EPM2A: variants seen among roughly 807,000 people sequenced by gnomAD.
The protein encoded by EPM2A is laforin.
Under a neutral mutation model 26.5 loss-of-function variants are expected in EPM2A, and 21 were observed. The ratio of observed to expected loss-of-function variants is 0.79; its 90% CI spans 0.56 to 1.14. The LOEUF (loss-of-function observed/expected upper bound fraction) is 1.14. EPM2A is among the 50% of genes most tolerant of loss of function. EPM2A has a pLI of 0.00. For missense variants in EPM2A, 458 were observed against 440.8 expected (o/e 1.04, Z -0.35); for synonymous variants, 217 against 177.6 (o/e 1.22, Z -1.76).
chr6:145,571,437 G>A (rs1416644253), intron 2 of EPM2A, among the ~76,000 whole-genome samples: 1 of 152,194 alleles, frequency 6.6e-6, no homozygotes, highest in Non-Finnish European at 1.5e-5. Context: ...AATGCTGTGT[G>A]GAATACCATG....
chr6:145,520,920 G>A (rs1393512700), intron 2 of EPM2A, among the ~76,000 whole-genome samples: 6 of 152,106 alleles, frequency 3.9e-5, no homozygotes, highest in Admixed American at 3.9e-4. Flanking sequence ...GGAACAGCAA[G>A]TTCCCTAAGA....
At chr6:145,635,612 T>A (rs1198449998) in intron 2 of EPM2A, 126 bp from the exon 3 acceptor site, 1 of 899,850 alleles carries the variant, frequency 1.1e-6, no homozygotes, top group African/African-American at 1.7e-5. Flanking sequence ...AAGCTAGATA[T>A]TTTAGAATAT....
intron 4 of EPM2A, among the ~76,000 whole-genome samples, chr6:145,415,723 G>A (rs1003709232): frequency 1.3e-5 from 2 of 152,050 alleles, no homozygotes; most frequent in Non-Finnish European, 2.9e-5. Flanking sequence ...TTCTAAAAAT[G>A]TGCCTGTGAT....
At chr6:145,629,059 G>A (rs972241404) in intron 3 of EPM2A, 2 of 152,330 alleles carry the variant, frequency 1.3e-5, no homozygotes, top group Non-Finnish European at 2.9e-5. Context: ...ATGGAAGCCA[G>A]GATAATATTC....
chr6:145,497,891 C>G (rs1398113883), downstream of EPM2A, among the ~76,000 whole-genome samples: 1 of 152,248 alleles, frequency 6.6e-6, no homozygotes, highest in Non-Finnish European at 1.5e-5. Flanking sequence ...TCGCCAAAGC[C>G]GGCAGGCTGG....
chr6:145,730,026 C>T (rs1425937469), intron 1 of EPM2A, among the ~76,000 whole-genome samples: 1 of 152,110 alleles, frequency 6.6e-6, no homozygotes, highest in African/African-American at 2.4e-5. Flanking sequence ...CCCCATCTTT[C>T]TCTCTTCCTC....
rs537969535 is a variant in EPM2A at position 145,726,181 on chromosome 6, A to T, written c.301+9017T>A. ...AAATCACACACACAAAGATGGGGGG[A>T]TGTCAAAGAGACACAAAAGAGAAGT... On this transcript the variant is annotated intron_variant, in intron 1 of 3. Transcript: ENST00000367519. Among the ~76,000 whole-genome samples the T allele has an allele frequency of 5.1e-3, 783 of 152,168 alleles. 6 individuals are homozygous for T. The highest frequency in any genetic ancestry group is 0.018 in the African/African-American group (746 of 41,550).
intron 2 of EPM2A, among the ~76,000 whole-genome samples, chr6:145,658,580 G>A (rs1246703866): frequency 6.6e-6 from 1 of 152,100 alleles, no homozygotes; most frequent in African/African-American, 2.4e-5. Flanking sequence ...AATACCAGAT[G>A]AAAGTTATGT....
chr6:145,683,339 C>T (rs1780687002), intron 2 of EPM2A, among the ~76,000 whole-genome samples: 1 of 137,954 alleles, frequency 7.2e-6, no homozygotes, highest in African/African-American at 2.6e-5. Flanking sequence ...ATATTATACT[C>T]CAGGTATACA....
At chr6:145,389,981 A>G (rs2114656471) in intron 4 of EPM2A, among the ~76,000 whole-genome samples, 1 of 152,328 alleles carries the variant, frequency 6.6e-6, no homozygotes, top group Middle Eastern at 3.4e-3. Flanking sequence ...TATTTTGTGT[A>G]TAGTCAGGGA....
chr6:145,416,633 C>T (rs1049200262), intron 4 of EPM2A, among the ~76,000 whole-genome samples: 6 of 152,158 alleles, frequency 3.9e-5, no homozygotes, highest in African/African-American at 7.2e-5. Flanking sequence ...ACAGTTTGCA[C>T]ATGGCAGCTT....
At chr6:145,499,501 AT>A (rs780717625), downstream of EPM2A, among the ~76,000 whole-genome samples, 26 of 152,192 alleles carry the variant, frequency 1.7e-4, 1 homozygote, top group Non-Finnish European at 1.0e-4. Context: ...TAATTAATTA[AT>A]GTCTACCTCC....
chr6:145,563,099 G>A (rs1780830960), intron 2 of EPM2A, among the ~76,000 whole-genome samples: 1 of 151,768 alleles, frequency 6.6e-6, no homozygotes, highest in Non-Finnish European at 1.5e-5. Context: ...AAAGGAAGAA[G>A]GATGTGGCTT....
chr6:145,661,259 T>G (rs752536757), intron 2 of EPM2A, among the ~76,000 whole-genome samples: 5 of 152,220 alleles, frequency 3.3e-5, no homozygotes, highest in Non-Finnish European at 5.9e-5. Flanking sequence ...GCTTTTAAAC[T>G]TCTCATTACT....
chr6:145,483,562 A>C (rs1418482357), intron 4 of EPM2A, among the ~76,000 whole-genome samples: 1 of 152,178 alleles, frequency 6.6e-6, no homozygotes, highest in Non-Finnish European at 1.5e-5. Flanking sequence ...TGACTAGAAC[A>C]ACCTCATACT....
At chr6:145,439,195 C>T (rs1337382874) in intron 4 of EPM2A, among the ~76,000 whole-genome samples, 1 of 152,150 alleles carries the variant, frequency 6.6e-6, no homozygotes, top group East Asian at 1.9e-4. Context: ...ACTAAATTTT[C>T]CTTATCCAGT....
chr6:145,422,736 C>T (rs1003930042), intron 4 of EPM2A, among the ~76,000 whole-genome samples: 3 of 152,092 alleles, frequency 2.0e-5, no homozygotes, highest in Admixed American at 6.6e-5. Context: ...TACAATAAAA[C>T]AGAATTTTGT....
chr6:145,651,712 T>A (rs1344291472), intron 2 of EPM2A, among the ~76,000 whole-genome samples: 1 of 152,172 alleles, frequency 6.6e-6, no homozygotes, highest in Non-Finnish European at 1.5e-5. Flanking sequence ...GAGTGGAAAG[T>A]GTAGCAGTGA....
At chr6:145,624,511 T>C (rs1480156094), downstream of EPM2A, among the ~76,000 whole-genome samples, 1 of 152,208 alleles carries the variant, frequency 6.6e-6, no homozygotes, top group Non-Finnish European at 1.5e-5. Context: ...TCTCCGAACC[T>C]TTCTTCCTGA....
Sources: gnomAD v4.1 joint callset for allele counts (sites outside exome capture counted in the v4.1 genomes callset) on GRCh38, gnomAD v4.1.1 for gene constraint, MANE v1.5 for transcripts, NCBI Gene and HGNC (gene_info 2026-07-23, HGNC 2026-07-21) for gene names.